PEX13: variants seen among roughly 807,000 people sequenced by gnomAD.
PEX13 encodes the protein peroxisome biogenesis factor 13.
In PEX13, 28 loss-of-function variants were observed where a neutral mutation model predicts 34.5. That is an observed-to-expected ratio of 0.81 (90% CI 0.60 to 1.11). The LOEUF is 1.11. Ranked by LOEUF, PEX13 falls within the 50% of genes most tolerant of loss-of-function variation. The pLI, the probability that PEX13 is intolerant of heterozygous loss-of-function variation, is 0.00. For synonymous variants in PEX13, 177 were observed against 175.1 expected (o/e 1.01, Z -0.09); for missense variants, 550 against 491.0 (o/e 1.12, Z -1.13).
intron 2 of PEX13, among the ~76,000 whole-genome samples, chr2:61,039,051 C>A (rs1228554024): frequency 6.6e-6 from 1 of 152,092 alleles, no homozygotes; most frequent in Non-Finnish European, 1.5e-5. Context: ...TGTGAAGGAC[C>A]TCTTCAAGGA....
At chr2:61,036,410 C>A (rs1258269004) in intron 2 of PEX13, among the ~76,000 whole-genome samples, 1 of 152,150 alleles carries the variant, frequency 6.6e-6, no homozygotes, top group Non-Finnish European at 1.5e-5. Context: ...AAAGGGAAGC[C>A]CATCAGACTA....
At chr2:61,028,328 A>C (rs1367806851) in intron 1 of PEX13, among the ~76,000 whole-genome samples, 1 of 152,158 alleles carries the variant, frequency 6.6e-6, no homozygotes, top group Non-Finnish European at 1.5e-5. Flanking sequence ...AGGCGAAATA[A>C]GAGTACAAGT....
At position 61,048,779 on chromosome 2, in the gene PEX13, A is replaced by G. The variant is rs1281798845; in HGVS notation, c.*9A>G. On this transcript the variant is annotated 3_prime_UTR_variant, in exon 4 of 4. Transcript: ENST00000295030. ...AAAAGCAAGATCTTTGATATCTTTC[A>G]TGTTTGCCTGCAGTTGAACAATACT... The G allele has an allele frequency of 6.2e-7, 1 of 1,605,318 alleles. No homozygotes were observed. The highest frequency in any genetic ancestry group is 8.5e-7 in the Non-Finnish European group (1 of 1,172,002).
rs558525565 is a variant in PEX13 at position 61,049,033 on chromosome 2, A to T, written c.*263A>T. 3.5e-4 allele frequency: 162 copies of T among 456,750 alleles called. No homozygotes were observed. The highest frequency in any genetic ancestry group is 4.5e-4 in the Admixed American group (12 of 26,478). The allele number at this position is 456,750 out of a possible 1,614,324, so 28.3% of individuals were successfully genotyped here. A position where few individuals can be genotyped will look rare whatever the true frequency, so the allele number is the denominator to read the frequency against. ...TGGAGACTGCTGTCATTTTTATCTT[A>T]TTTAAATCTCTAGGTTTATTGGAAG... On this transcript the variant is annotated 3_prime_UTR_variant, in exon 4 of 4. Coordinates refer to ENST00000295030, the MANE Select transcript of PEX13 (RefSeq NM_002618.4).
At chr2:61,044,677 C>T (rs537954455) in intron 2 of PEX13, among the ~76,000 whole-genome samples, 2 of 152,312 alleles carry the variant, frequency 1.3e-5, no homozygotes, top group South Asian at 4.1e-4. Flanking sequence ...TGAACCACCA[C>T]GCCTGACCTA....
rs1244020138 is a variant in PEX13, at chr2:61,051,163, C to T, written c.*2393C>T. 6.6e-6 allele frequency: 1 copy of T among 152,170 alleles called. No individual in the cohort carries two copies. The highest frequency in any genetic ancestry group is 1.5e-5 in the Non-Finnish European group (1 of 68,028). 9.4% of individuals were successfully genotyped at this position (152,170 alleles called of 1,614,324 possible). On this transcript the variant is annotated 3_prime_UTR_variant, in exon 4 of 4. Coordinates refer to ENST00000295030, the MANE Select transcript of PEX13 (RefSeq NM_002618.4). ...TTTATCTTTGGCCAGTTTTCCAACA[C>T]CCAGGTATTAGCCTTGAAGTTGAAG... is the stretch of plus-strand genomic sequence containing the variant.
chr2:61,027,351 A>AG (rs1680375855), intron 1 of PEX13, among the ~76,000 whole-genome samples: 1 of 150,802 alleles, frequency 6.6e-6, no homozygotes, highest in African/African-American at 2.4e-5. Context: ...AAAAAAAAAA[A>AG]ACAAAACACA....
chr2:61,045,274 T>C (rs1469566243), intron 2 of PEX13, among the ~76,000 whole-genome samples: 1 of 152,222 alleles, frequency 6.6e-6, no homozygotes, highest in Non-Finnish European at 1.5e-5. Context: ...AAGTGAAATA[T>C]CCTTCCCCCA....
At chr2:61,040,439 A>T (rs999453296) in intron 2 of PEX13, among the ~76,000 whole-genome samples, 2 of 152,086 alleles carry the variant, frequency 1.3e-5, no homozygotes, top group Admixed American at 1.3e-4. Flanking sequence ...CTTTGCAGGG[A>T]CGTGGATGAA....
At chr2:61,035,054 A>G (rs1680513664) in intron 2 of PEX13, among the ~76,000 whole-genome samples, 5 of 152,198 alleles carry the variant, frequency 3.3e-5, no homozygotes, top group Admixed American at 2.6e-4. Flanking sequence ...ACTGGGAGAC[A>G]CCTCACAGTA....
At chr2:61,032,222 A>T (rs1369085806) in intron 2 of PEX13, 109 bp downstream of exon 2, 9 of 835,264 alleles carry the variant, frequency 1.1e-5, no homozygotes, top group Non-Finnish European at 1.7e-5. Flanking sequence ...GTTTCCAGTT[A>T]TATTTTCAGT....
At chr2:61,037,097 A>G (rs1288506535) in intron 2 of PEX13, among the ~76,000 whole-genome samples, 2 of 152,252 alleles carry the variant, frequency 1.3e-5, no homozygotes, top group African/African-American at 2.4e-5. Flanking sequence ...ATATGCATCC[A>G]ATACAGGAGC....
intron 1 of PEX13, among the ~76,000 whole-genome samples, chr2:61,022,297 A>G (rs1680277846): frequency 6.6e-6 from 1 of 152,240 alleles, no homozygotes; most frequent in Non-Finnish European, 1.5e-5. Context: ...GGTTAGATGA[A>G]TGGCTTACTA....
chr2:61,029,673 G>T (rs746530715), intron 1 of PEX13, among the ~76,000 whole-genome samples: 1 of 152,114 alleles, frequency 6.6e-6, no homozygotes. Flanking sequence ...TAGGCCAGAC[G>T]TGTTGGCTAA....
Position 61,048,798 on chromosome 2 carries a change from C to T in PEX13, c.*28C>T, listed in dbSNP as rs539389012. 1.4e-5 allele frequency: 21 copies of T among 1,554,124 alleles called. No individual in the cohort carries two copies. The highest frequency in any genetic ancestry group is 1.8e-5 in the Non-Finnish European group (20 of 1,125,418). On this transcript the variant is annotated 3_prime_UTR_variant, in exon 4 of 4. Transcript: ENST00000295030. ...TCTTTCATGTTTGCCTGCAGTTGAA[C>T]AATACTTTAGAGTACTTTTTAAAAT...
At chr2:61,036,472 A>G (rs574812334) in intron 2 of PEX13, among the ~76,000 whole-genome samples, 2 of 152,356 alleles carry the variant, frequency 1.3e-5, no homozygotes, top group Non-Finnish European at 2.9e-5. Context: ...GGGAGCCAAT[A>G]TTCAACATTC....
rs1458943577 is a variant in PEX13, at chr2:61,051,156, TC to T, written c.*2388del. 6.6e-6 allele frequency: 1 copy of T among 152,270 alleles called. No homozygotes were observed. Among genetic ancestry groups the T allele is most frequent in the African/African-American group, 2.4e-5 (1 of 41,460 alleles). 9.4% of individuals were successfully genotyped at this position (152,270 alleles called of 1,614,324 possible). A position where few individuals can be genotyped will look rare whatever the true frequency, so the allele number is the denominator to read the frequency against. On this transcript the variant is annotated 3_prime_UTR_variant, in exon 4 of 4. Coordinates refer to ENST00000295030, the MANE Select transcript of PEX13 (RefSeq NM_002618.4). Reference sequence around the variant, plus strand: ...AAATTTATTTATCTTTGGCCAGTTTTCCAACACCCAGGTATTAGCCTTGAAG... The same window carrying T: ...AAATTTATTTATCTTTGGCCAGTTTTCAACACCCAGGTATTAGCCTTGAAG...
intron 1 of PEX13, among the ~76,000 whole-genome samples, chr2:61,027,075 C>T (rs1680369087): frequency 6.6e-6 from 1 of 151,544 alleles, no homozygotes; most frequent in African/African-American, 2.4e-5. Flanking sequence ...GTAATCTTAG[C>T]TCTTTGGGAG....
Position 61,050,722 on chromosome 2 carries a change from C to G in PEX13, c.*1952C>G, listed in dbSNP as rs1220839939. The G allele has an allele frequency of 2.6e-5, 4 of 152,194 alleles. No homozygotes were observed. Among genetic ancestry groups the G allele is most frequent in the Non-Finnish European group, 5.9e-5 (4 of 68,058 alleles). 9.4% of individuals were successfully genotyped at this position (152,194 alleles called of 1,614,324 possible). A position where few individuals can be genotyped will look rare whatever the true frequency, so the allele number is the denominator to read the frequency against. On this transcript the variant is annotated 3_prime_UTR_variant, in exon 4 of 4. Transcript: ENST00000295030. The stretch of plus-strand genomic sequence containing the variant: ...GCAAGCTCCGCCTCCCGGGTTCACG[C>G]CATTCTCCTGCCTCAGCCTCCCGAG...
Sources: gnomAD v4.1 joint callset for allele counts (sites outside exome capture counted in the v4.1 genomes callset) on GRCh38, gnomAD v4.1.1 for gene constraint, MANE v1.5 for transcripts, NCBI Gene and HGNC (gene_info 2026-07-23, HGNC 2026-07-21) for gene names.